The following EHMT1 variants were observed in gnomAD, a reference collection of about 807,000 sequenced individuals.
EHMT1 encodes the protein euchromatic histone lysine methyltransferase 1.
Under a neutral mutation model 147.2 loss-of-function variants are expected in EHMT1, and 15 were observed. That is an observed-to-expected ratio of 0.10 (90% CI 0.07 to 0.16). The LOEUF is 0.16. Among genes scored for constraint, EHMT1 ranks in the 10% least tolerant of loss-of-function variants. The probability of loss-of-function intolerance (pLI) is 1.00; values close to 1 mark genes in which losing one functional copy is unlikely to be tolerated. For synonymous variants in EHMT1, 795 were observed against 709.6 expected, an observed-to-expected ratio of 1.12 and a Z score of -1.91; for missense variants, 1,587 against 1,772.4, an observed-to-expected ratio of 0.90 and a Z score of 1.88.
chr9:137,666,705 G>A (rs1481273984), intron 1 of EHMT1, among the ~76,000 whole-genome samples: 1 of 152,208 alleles, frequency 6.6e-6, no homozygotes, highest in East Asian at 1.9e-4. Flanking sequence ...CCGTCCACAC[G>A]TGTGGGTTGT....
At chr9:137,800,086 G>A (rs1953331163) in intron 17 of EHMT1, among the ~76,000 whole-genome samples, 1 of 152,238 alleles carries the variant, frequency 6.6e-6, no homozygotes, top group African/African-American at 2.4e-5. Context: ...CAGGGGAGAT[G>A]TAGCTTTAAT....
chr9:137,770,894 T>C (rs1950545507), intron 10 of EHMT1, among the ~76,000 whole-genome samples: 1 of 152,224 alleles, frequency 6.6e-6, no homozygotes, highest in Non-Finnish European at 1.5e-5. Context: ...AGTGAGTTTG[T>C]TTTGTTTGTT....
intron 1 of EHMT1, among the ~76,000 whole-genome samples, chr9:137,645,260 AG>A (rs1439605173): frequency 2.0e-5 from 3 of 152,286 alleles, no homozygotes; most frequent in Non-Finnish European, 2.9e-5. Flanking sequence ...CTGATACAAA[AG>A]GAGAAAGGGC....
chr9:137,817,743 A>C (rs950133969), intron 24 of EHMT1: 5 of 653,758 alleles, frequency 7.6e-6, no homozygotes, highest in Non-Finnish European at 1.1e-5. Flanking sequence ...GCATTTAAGA[A>C]GGCGTGGTCC....
intron 10 of EHMT1, chr9:137,764,240 C>T (rs1401155748): frequency 2.6e-5 from 4 of 152,508 alleles, no homozygotes; most frequent in African/African-American, 9.6e-5. Context: ...GACTCCGACA[C>T]TGGCGTTGCT....
chr9:137,743,795 C>T (rs1345607489), intron 5 of EHMT1, 107 bp from the exon 6 acceptor site: 2 of 1,378,044 alleles, frequency 1.5e-6, no homozygotes, highest in Admixed American at 2.1e-5. Flanking sequence ...CCCCGCCTCC[C>T]CACAGGCCCT....
In EHMT1 at chr9:137,787,695, TG is replaced by T; in HGVS notation, c.2383-3150del. 1.5e-6 allele frequency: 1 copy of T among 680,648 alleles called. No individual in the cohort carries two copies. The highest frequency in any genetic ancestry group is 2.6e-6 in the Non-Finnish European group (1 of 386,750). 42.2% of individuals were successfully genotyped at this position (680,648 alleles called of 1,614,324 possible). On this transcript the variant is annotated intron_variant, in intron 15 of 26. Transcript: ENST00000460843. The surrounding 1 kb of genome is among the most constrained non-coding windows in gnomAD (Gnocchi z 4.2). Reference sequence around the variant, plus strand: ...GGCTGCACCGGGAGAGCAGCCCGCCTGGGCCAGGGGCCGCCAGGTCCCCAGG... The same window carrying T: ...GGCTGCACCGGGAGAGCAGCCCGCCTGGCCAGGGGCCGCCAGGTCCCCAGG...
At chr9:137,784,245 C>A (rs1008300891) in intron 15 of EHMT1, 1 of 1,532,500 alleles carries the variant, frequency 6.5e-7, no homozygotes, top group Non-Finnish European at 8.8e-7. Context: ...ACCAGGCCGC[C>A]CACAGGGAGC....
chr9:137,718,863 C>G (rs1945636515), intron 3 of EHMT1, among the ~76,000 whole-genome samples: 1 of 150,362 alleles, frequency 6.7e-6, no homozygotes, highest in Non-Finnish European at 1.5e-5. Flanking sequence ...TTAAGTGATT[C>G]TCATGCTTCA....
chr9:137,642,979 AAG>A (rs1844603506), intron 1 of EHMT1, among the ~76,000 whole-genome samples: 1 of 152,168 alleles, frequency 6.6e-6, no homozygotes, highest in Admixed American at 6.5e-5. Flanking sequence ...TCCTGGGCTA[AAG>A]AGATCCTCCT....
chr9:137,623,759 G>C (rs1158082438), intron 1 of EHMT1, among the ~76,000 whole-genome samples: 1 of 152,136 alleles, frequency 6.6e-6, no homozygotes, highest in Non-Finnish European at 1.5e-5. Flanking sequence ...TAGTAAGTTT[G>C]GCTGGTAGGT....
At chr9:137,692,903 G>A (rs1459885083) in intron 1 of EHMT1, among the ~76,000 whole-genome samples, 1 of 152,076 alleles carries the variant, frequency 6.6e-6, no homozygotes, top group Non-Finnish European at 1.5e-5. Flanking sequence ...GTGGTAGGGT[G>A]TCTTTTGGAA....
rs556293143 is a variant in EHMT1, at chr9:137,707,105, G to A, written c.22-3862G>A. ...CTCCCAAACTGCTGAGATTACAGGC[G>A]TGAGCCAGCGCGCCTGGCCTATCAT... On this transcript the variant is annotated intron_variant, in intron 1 of 26. Coordinates refer to ENST00000460843, the MANE Select transcript of EHMT1 (RefSeq NM_024757.5). Among the ~76,000 whole-genome samples, 11 of 152,358 alleles carry A rather than the reference G, an allele frequency of 7.2e-5. No individual in the cohort carries two copies. In the South Asian group the frequency reaches 1.0e-3, roughly 14 times the overall value.
At chr9:137,624,885 CT>C (rs1242300490) in intron 1 of EHMT1, among the ~76,000 whole-genome samples, 725 of 142,988 alleles carry the variant, frequency 5.1e-3, no homozygotes, top group Middle Eastern at 0.011. Context: ...TTTCATTCTT[CT>C]TTTTTTTTTT....
At chr9:137,765,739 G>A (rs1459717363) in intron 10 of EHMT1, among the ~76,000 whole-genome samples, 1 of 144,222 alleles carries the variant, frequency 6.9e-6, no homozygotes, top group Non-Finnish European at 1.5e-5. Flanking sequence ...CCTCTGTCCC[G>A]ACTCCCACAA....
At chr9:137,781,548 A>C (rs897704743) in intron 14 of EHMT1, among the ~76,000 whole-genome samples, 2 of 152,214 alleles carry the variant, frequency 1.3e-5, no homozygotes, top group African/African-American at 4.8e-5. Flanking sequence ...GGTGTGGACA[A>C]AGTAGGCTTC....
At chr9:137,703,934 G>T (rs974527256) in intron 1 of EHMT1, among the ~76,000 whole-genome samples, 1 of 152,122 alleles carries the variant, frequency 6.6e-6, no homozygotes, top group Non-Finnish European at 1.5e-5. Flanking sequence ...GGTTTGATCA[G>T]CTCATGGTTC....
rs774382675 is a variant in EHMT1 at position 137,762,736 on chromosome 9, C to T, written c.1563C>T (p.Ser521=). 6.2e-7 allele frequency: 1 copy of T among 1,614,254 alleles called. No individual in the cohort carries two copies. The highest frequency in any genetic ancestry group is 8.5e-7 in the Non-Finnish European group (1 of 1,180,054). ...TDGLQEVPLC[S]CRMETPKSRE... Reference sequence around the variant, plus strand: ...GCCTCCAGGAAGTGCCTCTCTGCAGCTGCCGGATGGAAACACCGAAGAGTC... The same window carrying T: ...GCCTCCAGGAAGTGCCTCTCTGCAGTTGCCGGATGGAAACACCGAAGAGTC... The change falls in exon 10 of 27, where the codon AGC becomes AGT. Residue 521 remains serine, a synonymous_variant. Coordinates refer to ENST00000460843, the MANE Select transcript of EHMT1 (RefSeq NM_024757.5).
At chr9:137,678,992 C>T (rs1941673168) in intron 1 of EHMT1, among the ~76,000 whole-genome samples, 2 of 152,106 alleles carry the variant, frequency 1.3e-5, no homozygotes, top group African/African-American at 2.4e-5. Context: ...CTGGCTCTGT[C>T]GCCCAGGCTG....
Sources: allele counts gnomAD v4.1 joint callset (sites outside exome capture counted in the v4.1 genomes callset), GRCh38; gene constraint gnomAD v4.1.1; non-coding constraint Gnocchi (gnomAD v3.1); transcripts MANE v1.5; gene names NCBI Gene and HGNC (gene_info 2026-07-23, HGNC 2026-07-21).